Variants in DPP6 observed in about 807,000 individuals in gnomAD.
The protein encoded by DPP6 is A-type potassium channel modulatory protein DPP6.
A neutral mutation model predicts 122.6 loss-of-function variants in DPP6; 69 were observed. The ratio of observed to expected loss-of-function variants is 0.56; its 90% confidence interval spans 0.46 to 0.69. The LOEUF (loss-of-function observed/expected upper bound fraction) is 0.69. Ranked by LOEUF, DPP6 falls within the 30% of genes least tolerant of loss-of-function variation. The pLI is 0.00. For missense variants in DPP6, 928 were observed against 1,116.9 expected (o/e 0.83, Z 2.41); for synonymous variants, 418 against 433.1 (o/e 0.97, Z 0.43).
At chr7:154,572,420 A>G (rs1831166457) in intron 5 of DPP6, among the ~76,000 whole-genome samples, 1 of 152,014 alleles carries the variant, frequency 6.6e-6, no homozygotes, top group African/African-American at 2.4e-5. Flanking sequence ...TTGGGCTATA[A>G]ATTATTGAAC....
intron 1 of DPP6, among the ~76,000 whole-genome samples, chr7:154,171,762 AGTCCAAGG>A (rs1797543037): frequency 6.6e-6 from 1 of 152,160 alleles, no homozygotes; most frequent in Non-Finnish European, 1.5e-5. Flanking sequence ...TTTGCAGAAG[AGTCCAAGG>A]GTCCTCACAA....
intron 4 of DPP6, among the ~76,000 whole-genome samples, chr7:154,554,467 C>T (rs544372595): frequency 1.3e-5 from 2 of 152,152 alleles, no homozygotes; most frequent in African/African-American, 4.8e-5. Flanking sequence ...TGGGGGCATT[C>T]TATCATTTTA....
intron 7 of DPP6, among the ~76,000 whole-genome samples, chr7:154,682,376 G>A (rs116952419): frequency 0.018 from 2,804 of 152,324 alleles, 44 homozygotes; most frequent in Non-Finnish European, 0.031. Flanking sequence ...GGATGAAAGC[G>A]CCTCACTTCT....
intron 1 of DPP6, among the ~76,000 whole-genome samples, chr7:154,054,610 GCCAA>G (rs1247820440): frequency 6.6e-6 from 1 of 151,914 alleles, no homozygotes; most frequent in African/African-American, 2.4e-5. Context: ...ACTTTGGTGG[GCCAA>G]GCCCTGAGGG....
At chr7:154,750,384 G>C (rs1425311779) in intron 8 of DPP6, among the ~76,000 whole-genome samples, 1 of 152,256 alleles carries the variant, frequency 6.6e-6, no homozygotes, top group South Asian at 2.1e-4. Context: ...TGCCGGAGCA[G>C]GCCGCTTCTC....
At chr7:153,943,990 T>C (rs1374422150) in intron 1 of DPP6, among the ~76,000 whole-genome samples, 1 of 152,208 alleles carries the variant, frequency 6.6e-6, no homozygotes, top group African/African-American at 2.4e-5. Flanking sequence ...CTCAGATAGC[T>C]GCTCCACGGT....
intron 7 of DPP6, among the ~76,000 whole-genome samples, chr7:154,672,745 C>T (rs1361547051): frequency 6.6e-6 from 1 of 152,154 alleles, no homozygotes; most frequent in Non-Finnish European, 1.5e-5. Context: ...CAATATAGCT[C>T]ATTGTTGAGT....
At chr7:154,247,501 C>G (rs1802057880) in intron 1 of DPP6, among the ~76,000 whole-genome samples, 1 of 152,134 alleles carries the variant, frequency 6.6e-6, no homozygotes, top group East Asian at 1.9e-4. Context: ...TGAAATGGTG[C>G]CTAAAATTAT....
At chr7:154,104,309 T>G (rs936085901) in intron 1 of DPP6, among the ~76,000 whole-genome samples, 1 of 152,168 alleles carries the variant, frequency 6.6e-6, no homozygotes, top group Admixed American at 6.5e-5. Flanking sequence ...CTTGAGAAAT[T>G]TTGCTTCCTG....
intron 1 of DPP6, among the ~76,000 whole-genome samples, chr7:154,042,046 G>A (rs1236382911): frequency 6.6e-6 from 1 of 152,028 alleles, no homozygotes; most frequent in Non-Finnish European, 1.5e-5. Context: ...CGTGAGCCAC[G>A]GCGCCTGGCC....
At position 154,300,752 on chromosome 7, in the gene DPP6, TTTC is replaced by T. The variant is rs796801330; in HGVS notation, c.244-145459_244-145457del. Reference sequence around the variant, plus strand: ...TCTGCTGACTGTGAACTTGGAAGAGTTTCTTATCAGTTCAAGCCTCACTTCCCT... The same window carrying T: ...TCTGCTGACTGTGAACTTGGAAGAGTTTATCAGTTCAAGCCTCACTTCCCT... On this transcript the variant is annotated intron_variant, in intron 1 of 25. Transcript: ENST00000377770. Among the ~76,000 whole-genome samples, 90 of 152,236 alleles carry T rather than the reference TTTC, an allele frequency of 5.9e-4. 1 individual carries two copies. Among genetic ancestry groups the T allele is most frequent in the African/African-American group, 2.0e-3 (84 of 41,538 alleles).
the DPP6 span, among the ~76,000 whole-genome samples, chr7:153,848,830 G>C: frequency 6.6e-6 from 1 of 152,128 alleles, no homozygotes; most frequent in African/African-American, 2.4e-5. Flanking sequence ...ATTCTACTGG[G>C]TTACTACTAA....
chr7:154,051,610 G>A (rs1234806716), upstream of DPP6, among the ~76,000 whole-genome samples: 1 of 149,274 alleles, frequency 6.7e-6, no homozygotes, highest in African/African-American at 2.5e-5. Context: ...CCTCGCTCTC[G>A]GCGGGCACAG....
At chr7:153,920,561 C>CTTT (rs1489811189) in intron 1 of DPP6, among the ~76,000 whole-genome samples, 12 of 62,458 alleles carry the variant, frequency 1.9e-4, no homozygotes, top group Non-Finnish European at 2.3e-4. Context: ...TTTTATCTCT[C>CTTT]TCTTTTTTTT....
At chr7:154,211,942 T>C (rs886918350) in intron 1 of DPP6, among the ~76,000 whole-genome samples, 2 of 151,786 alleles carry the variant, frequency 1.3e-5, no homozygotes, top group African/African-American at 2.4e-5. Flanking sequence ...GGGATGATAT[T>C]TCTCAAACTC....
At chr7:154,222,717 T>C (rs1800377375) in intron 1 of DPP6, among the ~76,000 whole-genome samples, 1 of 149,354 alleles carries the variant, frequency 6.7e-6, no homozygotes, top group Non-Finnish European at 1.5e-5. Flanking sequence ...ACAGAACTCT[T>C]TCAGTAAAAT....
chr7:154,528,164 A>G (rs538204849), intron 3 of DPP6, among the ~76,000 whole-genome samples: 32 of 152,264 alleles, frequency 2.1e-4, no homozygotes, highest in African/African-American at 6.5e-4. Flanking sequence ...GTAACTAGCA[A>G]TTGGTGGTGC....
At chr7:153,985,661 T>TGAAC (rs1294275539) in intron 1 of DPP6, among the ~76,000 whole-genome samples, 1 of 152,174 alleles carries the variant, frequency 6.6e-6, no homozygotes, top group African/African-American at 2.4e-5. Flanking sequence ...AGTGGAAACA[T>TGAAC]GAACTCTCCA....
At position 154,858,009 on chromosome 7, in the gene DPP6, C is replaced by T. The variant is rs140843598; in HGVS notation, c.1714+4182C>T. Among the ~76,000 whole-genome samples, 760 of 152,310 alleles carry T rather than the reference C, an allele frequency of 5.0e-3. 4 individuals carry two copies. Among genetic ancestry groups the T allele is most frequent in the Non-Finnish European group, 7.9e-3 (538 of 68,016 alleles). Reference sequence around the variant, plus strand: ...GCGGTTCTGCATCGTCAGGATTCTGCAAAACCCCACACCACTTGTACTTGT... The same window carrying T: ...GCGGTTCTGCATCGTCAGGATTCTGTAAAACCCCACACCACTTGTACTTGT... On this transcript the variant is annotated intron_variant, in intron 17 of 25. Transcript: ENST00000377770.
Sources: allele counts gnomAD v4.1 joint callset (sites outside exome capture counted in the v4.1 genomes callset), GRCh38; gene constraint gnomAD v4.1.1; transcripts MANE v1.5; gene names NCBI Gene and HGNC (gene_info 2026-07-23, HGNC 2026-07-21).